The following ZNF391 variants were observed in gnomAD, a reference collection of about 807,000 sequenced individuals.
ZNF391 encodes zinc finger protein 391.
For missense variants in ZNF391, 375 were observed against 425.5 expected, an observed-to-expected ratio of 0.88 and a Z score of 1.04; for synonymous variants, 126 against 142.1, an observed-to-expected ratio of 0.89 and a Z score of 0.80.
chr6:27,384,776 G>A (rs550149443), upstream of ZNF391, among the ~76,000 whole-genome samples: 37 of 152,158 alleles, frequency 2.4e-4, no homozygotes, highest in Middle Eastern at 0.01. Context: ...CCAGCACTTT[G>A]GGAGGCCGAG....
intron 1 of ZNF391, among the ~76,000 whole-genome samples, chr6:27,381,941 G>T (rs1761515589): frequency 6.7e-6 from 1 of 149,054 alleles, no homozygotes; most frequent in Admixed American, 6.8e-5. Context: ...GGCTGAGGCA[G>T]GAGAATTGCT....
At chr6:27,394,074 G>GA (rs1246460068) in intron 1 of ZNF391, among the ~76,000 whole-genome samples, 7 of 150,398 alleles carry the variant, frequency 4.7e-5, no homozygotes, top group Admixed American at 1.3e-4. Context: ...GCAGAGGAAA[G>GA]AAAAAAAAAG....
At chr6:27,390,853 G>C (rs1444530632) in intron 1 of ZNF391, 1 of 152,198 alleles carries the variant, frequency 6.6e-6, no homozygotes, top group Non-Finnish European at 1.5e-5. Context: ...TGAAAGTTTT[G>C]TAAGAAAAGA....
rs528423366 is a variant in ZNF391 at position 27,388,818 on chromosome 6, G to T, written c.-445G>T. 2.4e-4 allele frequency: 105 copies of T among 432,980 alleles called. No homozygotes were observed. The Admixed American group carries it at 3.1e-3, about 13-fold the overall frequency. The allele number at this position is 432,980 out of a possible 1,614,324, so 26.8% of individuals were successfully genotyped here. A position where few individuals can be genotyped will look rare whatever the true frequency, so the allele number is the denominator to read the frequency against. ...TCAGGAGACTTAGGTCCAGGCGACT[G>T]CCCAGACAATGACTGGTCCCGCATA... is the stretch of plus-strand genomic sequence containing the variant. On this transcript the variant is annotated 5_prime_UTR_variant, in exon 1 of 3. Coordinates refer to ENST00000244576, the MANE Select transcript of ZNF391 (RefSeq NM_001076781.3).
Position 27,400,683 on chromosome 6 carries a change from CAAAG to C in ZNF391, c.317_320del (p.Arg106AsnfsTer130). 2.5e-6 allele frequency: 4 copies of C among 1,613,858 alleles called. No individual in the cohort carries two copies. The highest frequency in any genetic ancestry group is 3.4e-6 in the Non-Finnish European group (4 of 1,179,966). On this transcript the variant is annotated frameshift_variant, in exon 3 of 3. Coordinates refer to ENST00000244576, the MANE Select transcript of ZNF391 (RefSeq NM_001076781.3). LOFTEE classifies it low-confidence loss of function (END_TRUNC). ...AATTAAACACCAAAGACTTTTCTCA[CAAAG>C]AAAACCTTGTAAATGCAATGAATGT...
chr6:27,385,563 G>A (rs993585340), upstream of ZNF391, among the ~76,000 whole-genome samples: 1 of 152,148 alleles, frequency 6.6e-6, no homozygotes, highest in African/African-American at 2.4e-5. Flanking sequence ...TATGTAATGA[G>A]AAAAGGGTTC....
At chr6:27,375,680 A>G (rs138824506) in intron 1 of ZNF391, among the ~76,000 whole-genome samples, 4 of 152,294 alleles carry the variant, frequency 2.6e-5, no homozygotes, top group African/African-American at 9.6e-5. Context: ...AACCAGACTC[A>G]ATGACACTGA....
chr6:27,381,128 T>C (rs1423326895), intron 1 of ZNF391, among the ~76,000 whole-genome samples: 2 of 152,172 alleles, frequency 1.3e-5, no homozygotes, highest in Non-Finnish European at 2.9e-5. Context: ...GCGGCGCTCA[T>C]CGGGGAGGCT....
At position 27,400,290 on chromosome 6, in the gene ZNF391, C is replaced by A; in HGVS notation, c.-78-3C>A. 8.9e-7 allele frequency: 1 copy of A among 1,120,794 alleles called. No individual in the cohort carries two copies. Among genetic ancestry groups the A allele is most frequent in the Non-Finnish European group, 1.3e-6 (1 of 777,362 alleles). The allele number at this position is 1,120,794 out of a possible 1,614,324, so 69.4% of individuals were successfully genotyped here. A position where few individuals can be genotyped will look rare whatever the true frequency, so the allele number is the denominator to read the frequency against. On this transcript the variant is annotated splice_region_variant and splice_polypyrimidine_tract_variant and intron_variant, in intron 2 of 2. Coordinates refer to ENST00000244576, the MANE Select transcript of ZNF391 (RefSeq NM_001076781.3). ...TGACATTTACACTTTAAATGTCTTT[C>A]AGATAGGGGGATTTGAGCTGAACCA...
chr6:27,375,885 AG>A (rs1561805946), intron 1 of ZNF391, among the ~76,000 whole-genome samples: 1 of 152,186 alleles, frequency 6.6e-6, no homozygotes, highest in Non-Finnish European at 1.5e-5. Flanking sequence ...ACAGTGTGGG[AG>A]GGGGCCGAGC....
At position 27,376,185 on chromosome 6, in the gene ZNF391, C is replaced by T. The variant is rs913615042; in HGVS notation, n.523+1048C>T. Among the ~76,000 whole-genome samples, 4 of 152,014 alleles carry T rather than the reference C, an allele frequency of 2.6e-5. No individual in the cohort carries two copies. The highest frequency in any genetic ancestry group is 9.7e-5 in the African/African-American group (4 of 41,394). On this transcript the variant is annotated intron_variant and non_coding_transcript_variant, in intron 1 of 2. Coordinates refer to the ZNF391 transcript ENST00000477999. The surrounding 1 kb of genome is among the most constrained non-coding windows in gnomAD (Gnocchi z 4.7). ...ATGCCCACCTTTGTCTTGCTACTCT[C>T]ACTAAAAAAAGATAATATTGTTTGC...
chr6:27,381,183 G>T (rs1215844027), intron 1 of ZNF391, among the ~76,000 whole-genome samples: 5 of 152,262 alleles, frequency 3.3e-5, no homozygotes, highest in African/African-American at 1.2e-4. Flanking sequence ...GCTCAGGCAT[G>T]GTGGGCTGCA....
At chr6:27,391,489 A>C (rs72843151) in intron 1 of ZNF391, among the ~76,000 whole-genome samples, 7,280 of 152,076 alleles carry the variant, frequency 0.048, 251 homozygotes, top group Non-Finnish European at 0.071. Flanking sequence ...CTTAATCCTT[A>C]GGGTTGCATT....
chr6:27,394,292 C>A (rs1761776699), intron 1 of ZNF391, among the ~76,000 whole-genome samples: 1 of 152,234 alleles, frequency 6.6e-6, no homozygotes, highest in Non-Finnish European at 1.5e-5. Context: ...CTGGGTCCCA[C>A]TGCCCTGCAC....
chr6:27,401,830 G>A lies in ZNF391; in HGVS notation c.*383G>A, dbSNP rs546392018. 1 of 160,818 alleles carries A rather than the reference G, an allele frequency of 6.2e-6. No homozygotes were observed. Among genetic ancestry groups the A allele is most frequent in the African/African-American group, 2.4e-5 (1 of 41,480 alleles). The allele number at this position is 160,818 out of a possible 1,614,324, so 10.0% of individuals were successfully genotyped here. On this transcript the variant is annotated 3_prime_UTR_variant, in exon 3 of 3. Coordinates refer to ENST00000244576, the MANE Select transcript of ZNF391 (RefSeq NM_001076781.3). Reference sequence around the variant, plus strand: ...CTGCTAATCTATTCCTTCAAGCGTGGGTCCCCGAACCACCAGGTTCTCCTC... The same window carrying A: ...CTGCTAATCTATTCCTTCAAGCGTGAGTCCCCGAACCACCAGGTTCTCCTC...
chr6:27,385,794 T>C (rs764857337), upstream of ZNF391, among the ~76,000 whole-genome samples: 2 of 152,196 alleles, frequency 1.3e-5, no homozygotes, highest in Non-Finnish European at 2.9e-5. Flanking sequence ...AATGGCCATC[T>C]ATAGACTTCA....
rs143834457 is a variant in ZNF391, at chr6:27,394,616, G to C, written c.-187-4826G>C. On this transcript the variant is annotated intron_variant, in intron 1 of 2. Coordinates refer to ENST00000244576, the MANE Select transcript of ZNF391 (RefSeq NM_001076781.3). The stretch of plus-strand genomic sequence containing the variant: ...AATGTGGAGTTGGAGGCCCCACACA[G>C]GGTCCCCACTGGGGCACTGCCTAGT... Among the ~76,000 whole-genome samples the C allele has an allele frequency of 3.6e-3, 545 of 152,358 alleles. 3 individuals carry two copies. The highest frequency in any genetic ancestry group is 0.012 in the African/African-American group (517 of 41,590).
upstream of ZNF391, among the ~76,000 whole-genome samples, chr6:27,385,865 C>A (rs991099001): frequency 6.6e-6 from 1 of 152,104 alleles, no homozygotes; most frequent in Non-Finnish European, 1.5e-5. Flanking sequence ...TCAATATAGA[C>A]CATGTTCTGG....
intron 1 of ZNF391, chr6:27,389,554 G>C (rs1297057810): frequency 2.4e-6 from 1 of 415,102 alleles, no homozygotes; most frequent in Admixed American, 3.3e-5. Flanking sequence ...GCTCACGCCT[G>C]TAATCCCAGC....
Sources: gnomAD v4.1 joint callset for allele counts (sites outside exome capture counted in the v4.1 genomes callset) on GRCh38, gnomAD v4.1.1 for gene constraint, Gnocchi (gnomAD v3.1) non-coding constraint, MANE v1.5 for transcripts, NCBI Gene and HGNC (gene_info 2026-07-23, HGNC 2026-07-21) for gene names.